EPHA6: variants seen among roughly 807,000 people sequenced by gnomAD.
EPHA6 encodes the protein ephrin type-A receptor 6.
EPHA6 carries 50 observed loss-of-function variants against 112.0 expected under a neutral mutation model. That is an observed-to-expected ratio of 0.45 (90% CI 0.36 to 0.56). The LOEUF is 0.56. Ranked by LOEUF, EPHA6 falls within the 20% of genes least tolerant of loss-of-function variation. EPHA6 has a pLI of 0.00. For synonymous variants in EPHA6, 529 were observed against 490.7 expected, an observed-to-expected ratio of 1.08 and a Z score of -1.03; for missense variants, 1,280 against 1,417.4, an observed-to-expected ratio of 0.90 and a Z score of 1.56.
chr3:97,421,601 T>A (rs1032555258), intron 6 of EPHA6, among the ~76,000 whole-genome samples: 1 of 152,238 alleles, frequency 6.6e-6, no homozygotes, highest in Admixed American at 6.5e-5. Context: ...TTCTAGCAGA[T>A]CTCTTTGTGG....
chr3:96,978,654 A>G (rs997491191), intron 2 of EPHA6, among the ~76,000 whole-genome samples: 2 of 152,152 alleles, frequency 1.3e-5, no homozygotes, highest in African/African-American at 4.8e-5. Flanking sequence ...TATTTTAAGT[A>G]GAAGAAGAAA....
chr3:97,500,626 T>C (rs1282068269), intron 10 of EPHA6, among the ~76,000 whole-genome samples: 3 of 152,110 alleles, frequency 2.0e-5, no homozygotes, highest in African/African-American at 7.2e-5. Flanking sequence ...GAGATCTGGA[T>C]GGAGAGACAG....
chr3:97,705,256 C>T (rs977417422), intron 14 of EPHA6, among the ~76,000 whole-genome samples: 2 of 152,058 alleles, frequency 1.3e-5, no homozygotes, highest in East Asian at 3.9e-4. Flanking sequence ...TTAGTCTTCC[C>T]TCCCACATTT....
At chr3:97,612,375 C>A in intron 13 of EPHA6, 1 of 402,134 alleles carries the variant, frequency 2.5e-6, no homozygotes, top group Non-Finnish European at 5.0e-6. Flanking sequence ...ATTTTTGTAT[C>A]AGCTGTATCC....
At chr3:97,033,619 T>C (rs956154026) in intron 3 of EPHA6, among the ~76,000 whole-genome samples, 4 of 151,846 alleles carry the variant, frequency 2.6e-5, no homozygotes, top group Admixed American at 1.3e-4. Flanking sequence ...CTATAGAAAA[T>C]TGCACATATT....
intron 6 of EPHA6, among the ~76,000 whole-genome samples, chr3:97,413,391 C>G (rs1474701892): frequency 2.6e-5 from 4 of 151,348 alleles, no homozygotes; most frequent in African/African-American, 7.3e-5. Flanking sequence ...GGGGAAAGAG[C>G]AAGCAGGAGG....
chr3:97,579,147 T>A (rs945676361), intron 11 of EPHA6, among the ~76,000 whole-genome samples: 11 of 152,334 alleles, frequency 7.2e-5, no homozygotes, highest in African/African-American at 2.6e-4. Flanking sequence ...ACTCAAGGTT[T>A]GTGATTATAA....
chr3:97,643,131 A>G (rs1256461160), intron 14 of EPHA6, among the ~76,000 whole-genome samples: 4 of 152,132 alleles, frequency 2.6e-5, no homozygotes, highest in Non-Finnish European at 4.4e-5. Context: ...AGTGGGGGCC[A>G]ATATTCAACA....
rs536004569 is a variant in EPHA6, at chr3:97,213,811, G to A, written c.1115-12453G>A. 2.0e-5 allele frequency among the ~76,000 whole-genome samples: 3 copies of A among 152,218 alleles called. No individual in the cohort carries two copies. The East Asian group carries it at 5.8e-4, about 29-fold the overall frequency. On this transcript the variant is annotated intron_variant, in intron 3 of 17. Transcript: ENST00000389672. Reference sequence around the variant, plus strand: ...TTACTCTATCCTTTCTGGAACAAGAGCATTTTACTCTTATTCTTTGGGATG... The same window carrying A: ...TTACTCTATCCTTTCTGGAACAAGAACATTTTACTCTTATTCTTTGGGATG...
At chr3:97,693,943 G>A (rs1338473710) in intron 14 of EPHA6, among the ~76,000 whole-genome samples, 1 of 152,104 alleles carries the variant, frequency 6.6e-6, no homozygotes, top group African/African-American at 2.4e-5. Flanking sequence ...TTATAATTGT[G>A]CTTGGTCAAG....
chr3:97,200,217 C>T (rs975431023), intron 3 of EPHA6, among the ~76,000 whole-genome samples: 20 of 152,076 alleles, frequency 1.3e-4, no homozygotes, highest in African/African-American at 4.8e-4. Flanking sequence ...TATTAAAGAG[C>T]TTTGCATTTT....
intron 3 of EPHA6, among the ~76,000 whole-genome samples, chr3:97,195,789 C>T (rs572307310): frequency 6.6e-5 from 10 of 151,980 alleles, no homozygotes; most frequent in Non-Finnish European, 1.5e-4. Context: ...TTTTCTTTAG[C>T]ACTTTAAATA....
chr3:97,017,869 A>G (rs546331517), intron 3 of EPHA6, among the ~76,000 whole-genome samples: 1 of 152,100 alleles, frequency 6.6e-6, no homozygotes, highest in East Asian at 2.0e-4. Context: ...CCCTTTGAAT[A>G]AACTTTCTAT....
At chr3:97,350,760 T>C (rs1377349078) in intron 5 of EPHA6, among the ~76,000 whole-genome samples, 1 of 152,182 alleles carries the variant, frequency 6.6e-6, no homozygotes, top group Non-Finnish European at 1.5e-5. Flanking sequence ...ATATGCCACA[T>C]GTTCATTCCA....
Position 97,604,272 on chromosome 3 carries a change from T to C in EPHA6, c.2513-6521T>C, listed in dbSNP as rs546996052. 3.3e-5 allele frequency among the ~76,000 whole-genome samples: 5 copies of C among 151,870 alleles called. No individual in the cohort carries two copies. In the East Asian group the frequency reaches 5.8e-4, roughly 18 times the overall value. On this transcript the variant is annotated intron_variant, in intron 12 of 17. Coordinates refer to ENST00000389672, the MANE Select transcript of EPHA6 (RefSeq NM_001080448.3). ...GGGGAAAACATCTCCAATATCAGGC[T>C]ATGTGACTCTAATCTTACAACTTCA...
intron 6 of EPHA6, among the ~76,000 whole-genome samples, chr3:97,412,346 C>T (rs970276622): frequency 5.9e-5 from 9 of 152,046 alleles, no homozygotes; most frequent in Non-Finnish European, 1.0e-4. Context: ...GCCCAAGTTA[C>T]ACCTTTAAAT....
At chr3:97,175,246 A>T (rs993456898) in intron 3 of EPHA6, among the ~76,000 whole-genome samples, 1 of 151,802 alleles carries the variant, frequency 6.6e-6, no homozygotes, top group Non-Finnish European at 1.5e-5. Flanking sequence ...ATTATTTTCC[A>T]TTGGTCTATG....
At chr3:97,542,557 G>A (rs999926420) in intron 11 of EPHA6, among the ~76,000 whole-genome samples, 13 of 152,080 alleles carry the variant, frequency 8.5e-5, no homozygotes, top group African/African-American at 2.2e-4. Context: ...ATAAACATAC[G>A]TGTGCATGTG....
In EPHA6 at chr3:97,756,972, T is replaced by TAATTTTG. The variant is rs750197080; in HGVS notation, c.*8281_*8287dup. Among the ~76,000 whole-genome samples, 3 of 151,898 alleles carry TAATTTTG rather than the reference T, an allele frequency of 2.0e-5. No homozygotes were observed. Among genetic ancestry groups the TAATTTTG allele is most frequent in the Non-Finnish European group, 4.4e-5 (3 of 67,790 alleles). ...GTGTACAGTGAAAACTTTGACAGTT[T>TAATTTTG]AATTTTGAATTTTGAAGGAATAATT... is the stretch of plus-strand genomic sequence containing the variant. On this transcript the variant is annotated 3_prime_UTR_variant, in exon 18 of 18. Coordinates refer to ENST00000389672, the MANE Select transcript of EPHA6 (RefSeq NM_001080448.3).
Sources: allele counts gnomAD v4.1 joint callset (sites outside exome capture counted in the v4.1 genomes callset), GRCh38; gene constraint gnomAD v4.1.1; transcripts MANE v1.5; gene names NCBI Gene and HGNC (gene_info 2026-07-23, HGNC 2026-07-21).